Variants in PPARG observed in about 807,000 individuals in gnomAD.
The protein encoded by PPARG is peroxisome proliferator activated receptor gamma, also known as peroxisome proliferator-activated receptor gamma.
A neutral mutation model predicts 39.2 loss-of-function variants in PPARG; 17 were observed. The observed-to-expected ratio is 0.43, with a 90% CI of 0.30 to 0.65. The LOEUF (loss-of-function observed/expected upper bound fraction) is 0.65, where lower values mean the gene tolerates loss of function less well. Among genes scored for constraint, PPARG ranks in the 30% least tolerant of loss-of-function variants. The probability of loss-of-function intolerance (pLI) is 0.13; values close to 1 mark genes in which losing one functional copy is unlikely to be tolerated. For missense variants in PPARG, 406 were observed against 585.9 expected, an observed-to-expected ratio of 0.69 and a Z score of 3.17; for synonymous variants, 223 against 215.7, an observed-to-expected ratio of 1.03 and a Z score of -0.30.
At chr3:12,317,549 C>T (rs2047422820) in intron 2 of PPARG, among the ~76,000 whole-genome samples, 1 of 152,060 alleles carries the variant, frequency 6.6e-6, no homozygotes, top group African/African-American at 2.4e-5. Flanking sequence ...AGTGATAGCA[C>T]GTAATTTACT....
At chr3:12,382,733 G>A (rs1014564104) in intron 4 of PPARG, among the ~76,000 whole-genome samples, 12 of 152,142 alleles carry the variant, frequency 7.9e-5, no homozygotes, top group African/African-American at 2.7e-4. Flanking sequence ...ACTTTGGGAG[G>A]CCAAGGCAGG....
At chr3:12,342,738 C>T (rs987603336) in intron 2 of PPARG, among the ~76,000 whole-genome samples, 3 of 150,882 alleles carry the variant, frequency 2.0e-5, no homozygotes, top group Admixed American at 2.0e-4. Context: ...TTTTACCAGT[C>T]TGTATTTTCT....
At chr3:12,380,809 C>T (rs2049623034) in intron 3 of PPARG, among the ~76,000 whole-genome samples, 1 of 152,180 alleles carries the variant, frequency 6.6e-6, no homozygotes, top group African/African-American at 2.4e-5. Context: ...CCTCCTTTGA[C>T]TGAACACTAA....
intron 2 of PPARG, among the ~76,000 whole-genome samples, chr3:12,354,143 A>G (rs1008751675): frequency 8.5e-5 from 13 of 152,194 alleles, no homozygotes; most frequent in Non-Finnish European, 1.8e-4. Context: ...TCTCCAGGCA[A>G]CTGTATATTC....
chr3:12,356,134 T>G (rs868001477), intron 2 of PPARG, among the ~76,000 whole-genome samples: 4 of 152,214 alleles, frequency 2.6e-5, no homozygotes, highest in Admixed American at 6.5e-5. Context: ...TTCATATCCA[T>G]CTACTAGTGC....
chr3:12,363,110 G>C (rs982180470), intron 2 of PPARG, among the ~76,000 whole-genome samples: 1 of 152,098 alleles, frequency 6.6e-6, no homozygotes, highest in African/African-American at 2.4e-5. Context: ...TATAGAGACA[G>C]GGTCTCACTG....
In PPARG at chr3:12,434,224, T is replaced by A. The variant is rs1479446224; in HGVS notation, c.*79T>A. On this transcript the variant is annotated 3_prime_UTR_variant, in exon 8 of 8. Transcript: ENST00000651735. This position sits in a 1 kb window ranked among gnomAD's most constrained non-coding sequence, Gnocchi z 4.2. ...GAGGGAAAATCTGACACCTAAGAAA[T>A]TTACTGTGAAAAAGCATTTTAAAAA... 1.9e-6 allele frequency: 3 copies of A among 1,573,144 alleles called. No individual in the cohort carries two copies. The highest frequency in any genetic ancestry group is 2.6e-6 in the Non-Finnish European group (3 of 1,148,828).
At chr3:12,352,040 T>C (rs2048504696) in intron 2 of PPARG, among the ~76,000 whole-genome samples, 2 of 152,186 alleles carry the variant, frequency 1.3e-5, no homozygotes, top group African/African-American at 4.8e-5. Context: ...CCTCTTTTCA[T>C]CTCATATGTT....
At chr3:12,390,023 C>A (rs1435715428) in intron 4 of PPARG, among the ~76,000 whole-genome samples, 1 of 152,120 alleles carries the variant, frequency 6.6e-6, no homozygotes, top group African/African-American at 2.4e-5. Context: ...CTGTAACAGA[C>A]AACAGATTAA....
intron 4 of PPARG, among the ~76,000 whole-genome samples, chr3:12,383,813 A>G (rs2049773172): frequency 6.6e-6 from 1 of 152,084 alleles, no homozygotes; most frequent in Admixed American, 6.6e-5. Context: ...TGAGGGCACT[A>G]AAACTTAAAA....
At chr3:12,346,828 G>T (rs569258267) in intron 2 of PPARG, among the ~76,000 whole-genome samples, 3 of 151,766 alleles carry the variant, frequency 2.0e-5, no homozygotes, top group African/African-American at 7.3e-5. Context: ...TAGAGGCAGG[G>T]TCTCACTCTG....
In PPARG at chr3:12,291,835, G is replaced by C. The variant is rs115167977; in HGVS notation, c.-83+2701G>C. 6.9e-3 allele frequency among the ~76,000 whole-genome samples: 1,045 copies of C among 152,194 alleles called. 11 individuals are homozygous for C. The highest frequency in any genetic ancestry group is 0.024 in the African/African-American group (997 of 41,526). The stretch of plus-strand genomic sequence containing the variant: ...AACTGTTTCAATTATTATGGCTTAG[G>C]CAAGTACCTTATCCTTTCTCTCAAT... On this transcript the variant is annotated intron_variant, in intron 1 of 7. Transcript: ENST00000651735.
chr3:12,412,413 T>A (rs565842908), intron 6 of PPARG, among the ~76,000 whole-genome samples: 1 of 152,216 alleles, frequency 6.6e-6, no homozygotes, highest in South Asian at 2.1e-4. Context: ...TTTAATCCCA[T>A]CCTGAAAATC....
intron 6 of PPARG, among the ~76,000 whole-genome samples, chr3:12,409,449 G>GA (rs1026573772): frequency 2.0e-5 from 3 of 151,844 alleles, no homozygotes; most frequent in Non-Finnish European, 2.9e-5. Flanking sequence ...GATTTCCAAC[G>GA]AGACTAGAGA....
chr3:12,319,886 T>A (rs10865711), intron 2 of PPARG, among the ~76,000 whole-genome samples: 1 of 151,874 alleles, frequency 6.6e-6, no homozygotes, highest in Non-Finnish European at 1.5e-5. Flanking sequence ...ATATAAAGGG[T>A]TTAGAAATAA....
intron 7 of PPARG, among the ~76,000 whole-genome samples, chr3:12,419,091 C>A (rs572204511): frequency 6.6e-6 from 1 of 151,624 alleles, no homozygotes; most frequent in Admixed American, 6.6e-5. Context: ...ATTACAGGCA[C>A]ATGCCACCAC....
chr3:12,428,131 C>T (rs1290466237), intron 7 of PPARG, among the ~76,000 whole-genome samples: 1 of 152,320 alleles, frequency 6.6e-6, no homozygotes, highest in Admixed American at 6.5e-5. Context: ...TAGGGAAACA[C>T]CCAGCCCAGG....
At chr3:12,307,034 A>C (rs112636967) in intron 1 of PPARG, among the ~76,000 whole-genome samples, 12,733 of 139,996 alleles carry the variant, frequency 0.091, 684 homozygotes, top group Admixed American at 0.18. Flanking sequence ...GGAGGCAGAG[A>C]TTGCAGTGAG....
At chr3:12,393,190 A>ATTTTTTTTTTT (rs143287325) in intron 5 of PPARG, among the ~76,000 whole-genome samples, 51 of 111,460 alleles carry the variant, frequency 4.6e-4, no homozygotes, top group East Asian at 5.2e-4. Flanking sequence ...GATTCATTTA[A>ATTTTTTTTTTT]TTTTTTTTTT....
Sources: allele counts gnomAD v4.1 joint callset (sites outside exome capture counted in the v4.1 genomes callset), GRCh38; gene constraint gnomAD v4.1.1; non-coding constraint Gnocchi (gnomAD v3.1); transcripts MANE v1.5; gene names NCBI Gene and HGNC (gene_info 2026-07-23, HGNC 2026-07-21).